DLGAP2: variants seen among roughly 807,000 people sequenced by gnomAD.
DLGAP2 encodes disks large-associated protein 2.
DLGAP2 carries 26 observed loss-of-function variants against 100.3 expected under a neutral mutation model. The ratio of observed to expected loss-of-function variants is 0.26; its 90% CI spans 0.19 to 0.36. The LOEUF (loss-of-function observed/expected upper bound fraction) is 0.36, where lower values mean the gene tolerates loss of function less well. Among genes scored for constraint, DLGAP2 ranks in the 10% least tolerant of loss-of-function variants. The pLI is 1.00. For missense variants in DLGAP2, 1,858 were observed against 1,453.2 expected, an observed-to-expected ratio of 1.28 and a Z score of -4.53; for synonymous variants, 886 against 630.1, an observed-to-expected ratio of 1.41 and a Z score of -6.08.
chr8:1,178,740 C>T (rs149319381), intron 2 of DLGAP2, among the ~76,000 whole-genome samples: 2 of 152,338 alleles, frequency 1.3e-5, no homozygotes, highest in East Asian at 3.9e-4. Context: ...TCCCCTTTGG[C>T]TCAGAGACAG....
chr8:994,542 C>G (rs1222675542), intron 2 of DLGAP2, among the ~76,000 whole-genome samples: 1 of 152,126 alleles, frequency 6.6e-6, no homozygotes, highest in East Asian at 1.9e-4. Context: ...TTTTCCAAGG[C>G]TCCAGATCCT....
chr8:1,540,062 T>A (rs1319817182), intron 4 of DLGAP2, among the ~76,000 whole-genome samples: 2 of 152,148 alleles, frequency 1.3e-5, no homozygotes. Flanking sequence ...CTCCCTGTGG[T>A]CCTCCTCCCT....
chr8:1,420,592 T>G (rs1797063468), intron 3 of DLGAP2, among the ~76,000 whole-genome samples: 1 of 152,242 alleles, frequency 6.6e-6, no homozygotes, highest in South Asian at 2.1e-4. Context: ...ATCTTCTATG[T>G]TGAGCATCAA....
rs756682682 is a variant in DLGAP2 at position 1,701,343 on chromosome 8, T to C, written c.3105T>C (p.Asn1035=). The C allele has an allele frequency of 5.0e-5, 80 of 1,595,022 alleles. No homozygotes were observed. The highest frequency in any genetic ancestry group is 6.7e-5 in the Non-Finnish European group (79 of 1,171,560). Residue 1035 remains asparagine, a synonymous_variant, in exon 15 of 15, where the codon AAT becomes AAC. Transcript: ENST00000637795. The part of the protein sequence containing the change: ...AAKRAASFRQ[N]SASERADSIE... ...AGCGAGCGGCGTCCTTCCGGCAGAATTCCGCCTCCGAGCGCGCGGACAGCA... is the reference window on the plus strand; with the variant it reads ...AGCGAGCGGCGTCCTTCCGGCAGAACTCCGCCTCCGAGCGCGCGGACAGCA...
intron 3 of DLGAP2, among the ~76,000 whole-genome samples, chr8:1,292,789 C>A (rs1800088021): frequency 6.6e-6 from 1 of 151,950 alleles, no homozygotes; most frequent in African/African-American, 2.4e-5. Flanking sequence ...CTCATGTCAC[C>A]CCTCTTCTCG....
rs1800761107 is a variant in DLGAP2 at position 1,316,727 on chromosome 8, TCGAGAAAC to T, written c.106+57845_106+57852del. Among the ~76,000 whole-genome samples the T allele has an allele frequency of 3.0e-5, 4 of 134,738 alleles. No homozygotes were observed. The East Asian group carries it at 1.4e-3, about 48-fold the overall frequency. 88.4% of individuals were successfully genotyped at this position (134,738 alleles called of 152,430 possible). ...GTGTCTATCCCATAGTGGTCTACACTCGAGAAACTCGGCAGCTTTAAAAATAGAGCGTG... is the reference window on the plus strand; with the variant it reads ...GTGTCTATCCCATAGTGGTCTACACTTCGGCAGCTTTAAAAATAGAGCGTG... On this transcript the variant is annotated intron_variant, in intron 3 of 14. Coordinates refer to ENST00000637795, the MANE Select transcript of DLGAP2 (RefSeq NM_001346810.2).
chr8:853,970 C>A (rs965428329), intron 1 of DLGAP2, among the ~76,000 whole-genome samples: 3 of 151,956 alleles, frequency 2.0e-5, no homozygotes, highest in Non-Finnish European at 2.9e-5. Flanking sequence ...TTAAAAGGGA[C>A]CTGAGAGAGC....
intron 2 of DLGAP2, among the ~76,000 whole-genome samples, chr8:923,620 G>A (rs1798758123): frequency 6.6e-6 from 1 of 152,170 alleles, no homozygotes; most frequent in African/African-American, 2.4e-5. Context: ...AATTCCTTGG[G>A]AATCAGGATT....
chr8:926,527 A>G (rs1278966015), intron 2 of DLGAP2, among the ~76,000 whole-genome samples: 1 of 152,186 alleles, frequency 6.6e-6, no homozygotes, highest in East Asian at 1.9e-4. Context: ...AACAAGCAGA[A>G]TCTGTGCCCA....
At chr8:1,507,542 C>G (rs368244598) in intron 4 of DLGAP2, among the ~76,000 whole-genome samples, 1 of 152,164 alleles carries the variant, frequency 6.6e-6, no homozygotes, top group African/African-American at 2.4e-5. Flanking sequence ...GGAGCCGGCT[C>G]CGGCCTCGGC....
At chr8:1,283,311 C>G (rs1466504384) in intron 3 of DLGAP2, among the ~76,000 whole-genome samples, 1 of 152,142 alleles carries the variant, frequency 6.6e-6, no homozygotes, top group East Asian at 1.9e-4. Flanking sequence ...CGTGAACCAT[C>G]CAGACGTGGT....
chr8:988,559 C>A (rs919628192), intron 2 of DLGAP2, among the ~76,000 whole-genome samples: 1 of 152,212 alleles, frequency 6.6e-6, no homozygotes, highest in Non-Finnish European at 1.5e-5. Context: ...CAGCCTTGAT[C>A]TGGCTTGTCC....
chr8:894,552 G>A lies in DLGAP2; in HGVS notation c.19-13360G>A, dbSNP rs139257532. 2.7e-4 allele frequency among the ~76,000 whole-genome samples: 40 copies of A among 149,706 alleles called. No individual in the cohort carries two copies. The East Asian group carries it at 5.6e-3, about 21-fold the overall frequency. Reference sequence around the variant, plus strand: ...GACAAGCACAGCTGATCTCACTCACGTGGGAATCTATGACAAGGCAAATGT... The same window carrying A: ...GACAAGCACAGCTGATCTCACTCACATGGGAATCTATGACAAGGCAAATGT... On this transcript the variant is annotated intron_variant, in intron 1 of 14. Transcript: ENST00000637795.
intron 1 of DLGAP2, among the ~76,000 whole-genome samples, chr8:841,333 A>C (rs1411065490): frequency 6.6e-6 from 1 of 152,180 alleles, no homozygotes; most frequent in Non-Finnish European, 1.5e-5. Flanking sequence ...ACACTTGTCC[A>C]TCTTTGGCCA....
At chr8:1,260,814 T>C (rs544733007) in intron 3 of DLGAP2, among the ~76,000 whole-genome samples, 1 of 152,332 alleles carries the variant, frequency 6.6e-6, no homozygotes, top group East Asian at 1.9e-4. Context: ...TTGAGGCGAC[T>C]GTAGTCGTCC....
intron 2 of DLGAP2, among the ~76,000 whole-genome samples, chr8:1,152,321 G>A (rs1796710860): frequency 1.3e-5 from 2 of 152,172 alleles, no homozygotes; most frequent in African/African-American, 4.8e-5. Context: ...TATGTAAATT[G>A]TGAGGTAGTG....
chr8:1,565,383 A>C (rs1190232226), intron 5 of DLGAP2: 5 of 310,538 alleles, frequency 1.6e-5, no homozygotes, highest in Non-Finnish European at 2.9e-5. Flanking sequence ...ATAAAACTAA[A>C]TTTTAGCCAG....
At chr8:1,407,595 G>A (rs1205325888) in intron 3 of DLGAP2, among the ~76,000 whole-genome samples, 243 of 55,378 alleles carry the variant, frequency 4.4e-3, no homozygotes, top group African/African-American at 0.018. Context: ...CTTACTGAGC[G>A]CCACCTCCTC....
At chr8:987,201 G>C (rs1196129328) in intron 2 of DLGAP2, among the ~76,000 whole-genome samples, 1 of 152,146 alleles carries the variant, frequency 6.6e-6, no homozygotes, top group Non-Finnish European at 1.5e-5. Flanking sequence ...CTTTGCAGGA[G>C]TGCCAGGTGC....
Sources: gnomAD v4.1 joint callset for allele counts (sites outside exome capture counted in the v4.1 genomes callset) on GRCh38, gnomAD v4.1.1 for gene constraint, MANE v1.5 for transcripts, NCBI Gene and HGNC (gene_info 2026-07-23, HGNC 2026-07-21) for gene names.